GRID1: variants seen among roughly 807,000 people sequenced by gnomAD.
The protein encoded by GRID1 is glutamate ionotropic receptor delta type subunit 1, also known as glutamate receptor ionotropic, delta-1.
In GRID1, 28 loss-of-function variants were observed where a neutral mutation model predicts 98.0. The observed-to-expected ratio is 0.29, with a 90% CI of 0.21 to 0.39. The LOEUF is 0.39. Ranked by LOEUF, GRID1 falls within the 10% of genes least tolerant of loss-of-function variation. The pLI is 1.00. For missense variants in GRID1, 1,111 were observed against 1,340.5 expected (o/e 0.83, Z 2.67); for synonymous variants, 553 against 538.5 (o/e 1.03, Z -0.37).
chr10:86,157,981 C>T (rs1259086839), intron 3 of GRID1, among the ~76,000 whole-genome samples: 20 of 152,218 alleles, frequency 1.3e-4, no homozygotes, highest in Admixed American at 1.2e-3. Context: ...GGAACCAGCA[C>T]AGCCTAGACA....
At chr10:86,276,640 C>T (rs1847274309) in intron 2 of GRID1, among the ~76,000 whole-genome samples, 1 of 152,004 alleles carries the variant, frequency 6.6e-6, no homozygotes. Context: ...GTGGCGCCCA[C>T]CACCACACCT....
At chr10:86,252,871 A>T (rs1048010991) in intron 2 of GRID1, among the ~76,000 whole-genome samples, 1 of 152,094 alleles carries the variant, frequency 6.6e-6, no homozygotes, top group Non-Finnish European at 1.5e-5. Context: ...AATGTAAAGG[A>T]GGAGTGTTTC....
chr10:85,687,600 A>G (rs1841284578), intron 12 of GRID1, among the ~76,000 whole-genome samples: 1 of 152,104 alleles, frequency 6.6e-6, no homozygotes, highest in Non-Finnish European at 1.5e-5. Flanking sequence ...ACTGTACTCC[A>G]GCCTGGGTGA....
intron 4 of GRID1, among the ~76,000 whole-genome samples, chr10:85,978,892 T>C (rs960480566): frequency 1.3e-5 from 2 of 152,168 alleles, no homozygotes; most frequent in Admixed American, 1.3e-4. Context: ...CCAGAGACAA[T>C]GGTTCCATTT....
At chr10:86,281,851 C>T (rs1462868719) in intron 2 of GRID1, among the ~76,000 whole-genome samples, 1 of 152,182 alleles carries the variant, frequency 6.6e-6, no homozygotes, top group Non-Finnish European at 1.5e-5. Context: ...AGACCCTGGC[C>T]TGGGAAGGAC....
intron 12 of GRID1, among the ~76,000 whole-genome samples, chr10:85,648,300 C>A (rs1285529502): frequency 2.0e-5 from 3 of 152,060 alleles, no homozygotes; most frequent in Admixed American, 6.5e-5. Context: ...GCAGGAAGGA[C>A]CAGTCGCTAT....
At chr10:85,811,997 C>T (rs1267039406) in intron 8 of GRID1, among the ~76,000 whole-genome samples, 1 of 152,124 alleles carries the variant, frequency 6.6e-6, no homozygotes, top group Non-Finnish European at 1.5e-5. Flanking sequence ...ATTAGACCAA[C>T]AGTAGGTTTC....
chr10:85,964,073 TA>T (rs1272325942), intron 4 of GRID1, among the ~76,000 whole-genome samples: 2 of 151,972 alleles, frequency 1.3e-5, no homozygotes, highest in African/African-American at 2.4e-5. Flanking sequence ...GAATACAACT[TA>T]AAAGGGATAT....
intron 2 of GRID1, among the ~76,000 whole-genome samples, chr10:86,235,141 T>C (rs1024310631): frequency 1.3e-5 from 2 of 152,178 alleles, no homozygotes; most frequent in Non-Finnish European, 1.5e-5. Flanking sequence ...TATGCCCTCC[T>C]CAAATATTCA....
chr10:86,079,508 A>G (rs961425316), intron 4 of GRID1, among the ~76,000 whole-genome samples: 1 of 152,208 alleles, frequency 6.6e-6, no homozygotes, highest in African/African-American at 2.4e-5. Flanking sequence ...CCATCAGACC[A>G]GGAAGTGAGG....
At chr10:86,249,877 T>C (rs2132048044) in intron 2 of GRID1, among the ~76,000 whole-genome samples, 1 of 152,250 alleles carries the variant, frequency 6.6e-6, no homozygotes, top group Non-Finnish European at 1.5e-5. Flanking sequence ...GTTTGATAAA[T>C]GGATGGATGG....
chr10:86,072,018 T>G (rs914377988), intron 4 of GRID1, among the ~76,000 whole-genome samples: 1 of 151,936 alleles, frequency 6.6e-6, no homozygotes, highest in Non-Finnish European at 1.5e-5. Flanking sequence ...AAACTGTGAG[T>G]CATTTGCTGT....
At chr10:86,287,190 T>C (rs1589437625) in intron 2 of GRID1, among the ~76,000 whole-genome samples, 1 of 151,964 alleles carries the variant, frequency 6.6e-6, no homozygotes, top group Admixed American at 6.6e-5. Flanking sequence ...GAGGCTGGGG[T>C]AGAAACAGGA....
At chr10:85,646,950 G>C in intron 13 of GRID1, 1 of 530,520 alleles carries the variant, frequency 1.9e-6, no homozygotes, top group Non-Finnish European at 3.4e-6. Flanking sequence ...CCATGAGGAG[G>C]GTGGGCCAAA....
intron 2 of GRID1, among the ~76,000 whole-genome samples, chr10:86,340,197 G>A (rs1389649435): frequency 2.0e-5 from 3 of 152,144 alleles, no homozygotes; most frequent in African/African-American, 7.2e-5. Flanking sequence ...TCAGAGCAAG[G>A]GGACACTCAG....
At chr10:85,969,087 G>A (rs1842374946) in intron 4 of GRID1, among the ~76,000 whole-genome samples, 1 of 152,110 alleles carries the variant, frequency 6.6e-6, no homozygotes, top group South Asian at 2.1e-4. Flanking sequence ...AAGTGCTATT[G>A]AACACAAAAG....
chr10:86,162,193 C>A (rs1458921236), intron 3 of GRID1, among the ~76,000 whole-genome samples: 4 of 152,066 alleles, frequency 2.6e-5, no homozygotes, highest in African/African-American at 9.7e-5. Flanking sequence ...CCTTTTGGGG[C>A]TTTGGGTGGG....
chr10:86,133,883 C>G (rs1164256710), intron 4 of GRID1, among the ~76,000 whole-genome samples: 2 of 152,154 alleles, frequency 1.3e-5, no homozygotes, highest in African/African-American at 4.8e-5. Context: ...TCCTTGTGAA[C>G]TGGAAAGAAG....
intron 4 of GRID1, among the ~76,000 whole-genome samples, chr10:85,950,417 A>G (rs1484218607): frequency 6.6e-6 from 1 of 152,130 alleles, no homozygotes; most frequent in Non-Finnish European, 1.5e-5. Flanking sequence ...TGTATCCCAG[A>G]CTCTAGCCAA....
Sources: gnomAD v4.1 joint callset for allele counts (sites outside exome capture counted in the v4.1 genomes callset) on GRCh38, gnomAD v4.1.1 for gene constraint, MANE v1.5 for transcripts, NCBI Gene and HGNC (gene_info 2026-07-23, HGNC 2026-07-21) for gene names.